The following PRKCA variants were observed in gnomAD, a reference collection of about 807,000 sequenced individuals.
PRKCA encodes the protein protein kinase C alpha, also known as protein kinase C alpha type.
In PRKCA, 27 loss-of-function variants were observed where a neutral mutation model predicts 87.0. The ratio of observed to expected loss-of-function variants is 0.31; its 90% CI spans 0.23 to 0.43. PRKCA has a LOEUF of 0.43. PRKCA is among the 20% of genes least tolerant of loss of function. PRKCA has a pLI of 1.00. For missense variants in PRKCA, 518 were observed against 852.3 expected (o/e 0.61, Z 4.88); for synonymous variants, 329 against 311.1 (o/e 1.06, Z -0.61).
At chr17:66,701,367 G>A (rs1973058738) in intron 8 of PRKCA, among the ~76,000 whole-genome samples, 2 of 152,050 alleles carry the variant, frequency 1.3e-5, no homozygotes, top group Non-Finnish European at 2.9e-5. Flanking sequence ...TACTTGGGGG[G>A]AAAGCTTCAT....
At position 66,605,477 on chromosome 17, in the gene PRKCA, G is replaced by A. The variant is rs559607382; in HGVS notation, c.289-35878G>A. On this transcript the variant is annotated intron_variant, in intron 3 of 16. Coordinates refer to ENST00000413366, the MANE Select transcript of PRKCA (RefSeq NM_002737.3). ...AATAGTAAGTGTTGATGAGGATGTG[G>A]AAAAATTGAAAACCTTGTAACTTCT... 3.3e-5 allele frequency among the ~76,000 whole-genome samples: 5 copies of A among 152,342 alleles called. No individual in the cohort carries two copies. The South Asian group carries it at 1.0e-3, about 32-fold the overall frequency.
At chr17:66,432,233 G>A (rs1456754078) in intron 2 of PRKCA, among the ~76,000 whole-genome samples, 2 of 152,126 alleles carry the variant, frequency 1.3e-5, no homozygotes, top group African/African-American at 4.8e-5. Flanking sequence ...AGGTGGGAGT[G>A]AGAGGTCATT....
intron 2 of PRKCA, among the ~76,000 whole-genome samples, chr17:66,433,001 G>A (rs1029388523): frequency 1.8e-4 from 27 of 152,142 alleles, no homozygotes; most frequent in Non-Finnish European, 2.8e-4. Context: ...GCTACTGAAG[G>A]TTAAGTGTCC....
chr17:66,496,880 C>T (rs1330678451), intron 3 of PRKCA, among the ~76,000 whole-genome samples: 1 of 152,026 alleles, frequency 6.6e-6, no homozygotes, highest in Non-Finnish European at 1.5e-5. Flanking sequence ...TGACCTCAAG[C>T]AATCCACTCG....
intron 3 of PRKCA, among the ~76,000 whole-genome samples, chr17:66,526,939 G>C (rs1325067662): frequency 1.3e-5 from 2 of 152,142 alleles, no homozygotes; most frequent in Non-Finnish European, 2.9e-5. Flanking sequence ...TTGTATACCA[G>C]GGGTTGCAAA....
chr17:66,392,296 G>T (rs1286729851), intron 2 of PRKCA, among the ~76,000 whole-genome samples: 3 of 151,820 alleles, frequency 2.0e-5, no homozygotes, highest in Non-Finnish European at 4.4e-5. Context: ...AGTGGGAAAA[G>T]TTACTTTCCA....
intron 3 of PRKCA, among the ~76,000 whole-genome samples, chr17:66,641,113 G>A (rs1399149570): frequency 5.4e-5 from 8 of 148,782 alleles, no homozygotes; most frequent in Admixed American, 2.7e-4. Context: ...AGCTGAGATC[G>A]CGCCACTGCA....
intron 3 of PRKCA, among the ~76,000 whole-genome samples, chr17:66,623,031 A>G (rs1440876224): frequency 6.6e-6 from 1 of 152,174 alleles, no homozygotes; most frequent in African/African-American, 2.4e-5. Context: ...CTGCTTATTT[A>G]GTTTTTTCTC....
chr17:66,679,839 G>A (rs978123654), intron 5 of PRKCA, among the ~76,000 whole-genome samples: 2 of 152,168 alleles, frequency 1.3e-5, no homozygotes, highest in Non-Finnish European at 2.9e-5. Flanking sequence ...AAGCTTGCCC[G>A]AGCTCAGCTA....
intron 2 of PRKCA, among the ~76,000 whole-genome samples, chr17:66,319,475 C>G (rs1233899063): frequency 6.6e-6 from 1 of 151,986 alleles, no homozygotes; most frequent in Non-Finnish European, 1.5e-5. Flanking sequence ...TGTTGTATTT[C>G]CAGTGTGTTC....
chr17:66,700,928 T>C (rs767831330), intron 8 of PRKCA, among the ~76,000 whole-genome samples: 15 of 152,162 alleles, frequency 9.9e-5, no homozygotes, highest in Non-Finnish European at 1.8e-4. Context: ...TTAGTATAAT[T>C]TGTTTCCATA....
At chr17:66,321,799 C>T (rs941992228) in intron 2 of PRKCA, among the ~76,000 whole-genome samples, 59 of 152,146 alleles carry the variant, frequency 3.9e-4, no homozygotes, top group African/African-American at 1.4e-3. Flanking sequence ...CCGCCTCAGC[C>T]TCCCAAAGTG....
At chr17:66,566,485 T>TTG (rs1968899612) in intron 3 of PRKCA, among the ~76,000 whole-genome samples, 1 of 145,698 alleles carries the variant, frequency 6.9e-6, no homozygotes, top group African/African-American at 2.6e-5. Context: ...TTTTGGTTTT[T>TTG]TTTTTTTTTT....
intron 5 of PRKCA, 137 bp from the exon 6 acceptor site, chr17:66,686,974 A>G: frequency 1.3e-6 from 1 of 752,032 alleles, no homozygotes; most frequent in South Asian, 2.0e-5. Flanking sequence ...CGAGTGTTAG[A>G]GGCTTTTGGC....
chr17:66,316,938 C>T (rs1157183096), intron 2 of PRKCA, among the ~76,000 whole-genome samples: 2 of 152,062 alleles, frequency 1.3e-5, no homozygotes, highest in Admixed American at 6.5e-5. Flanking sequence ...GTCAGGAGAT[C>T]GAGACCATCC....
At chr17:66,322,938 C>T (rs1905767292) in intron 2 of PRKCA, among the ~76,000 whole-genome samples, 1 of 152,192 alleles carries the variant, frequency 6.6e-6, no homozygotes, top group Non-Finnish European at 1.5e-5. Context: ...TAAAACTTGA[C>T]CAGTCCTCCA....
intron 2 of PRKCA, among the ~76,000 whole-genome samples, chr17:66,360,850 A>T (rs1908348619): frequency 6.6e-6 from 1 of 152,186 alleles, no homozygotes; most frequent in South Asian, 2.1e-4. Context: ...GCTTAGAGGA[A>T]GTCTCGAAGT....
chr17:66,563,652 G>T (rs1854888234), intron 3 of PRKCA, among the ~76,000 whole-genome samples: 1 of 152,222 alleles, frequency 6.6e-6, no homozygotes, highest in African/African-American at 2.4e-5. Flanking sequence ...AGATGGGAAG[G>T]GCCACAAAAT....
intron 16 of PRKCA, among the ~76,000 whole-genome samples, chr17:66,801,290 G>A (rs1975892501): frequency 6.6e-6 from 1 of 152,198 alleles, no homozygotes; most frequent in African/African-American, 2.4e-5. Flanking sequence ...TGGGGCGGGG[G>A]CAGTGTCCTG....
Sources: allele counts gnomAD v4.1 joint callset (sites outside exome capture counted in the v4.1 genomes callset), GRCh38; gene constraint gnomAD v4.1.1; transcripts MANE v1.5; gene names NCBI Gene and HGNC (gene_info 2026-07-23, HGNC 2026-07-21).